Variants in LRP1B observed in about 807,000 individuals in gnomAD.
LRP1B encodes low-density lipoprotein receptor-related protein 1B.
A neutral mutation model predicts 556.6 loss-of-function variants in LRP1B; 217 were observed. That is an observed-to-expected ratio of 0.39 (90% confidence interval 0.35 to 0.44). The LOEUF is 0.44. Ranked by LOEUF, LRP1B falls within the 20% of genes least tolerant of loss-of-function variation. LRP1B has a pLI of 1.00. For synonymous variants in LRP1B, 2,047 were observed against 1,865.8 expected (o/e 1.10, Z -2.50); for missense variants, 5,053 against 5,620.8 (o/e 0.90, Z 3.23).
chr2:141,869,534 G>T (rs1558930021), intron 1 of LRP1B, among the ~76,000 whole-genome samples: 2 of 152,054 alleles, frequency 1.3e-5, no homozygotes, highest in Admixed American at 6.6e-5. Flanking sequence ...CTGCCTAGGT[G>T]ATTTGTGATA....
intron 1 of LRP1B, among the ~76,000 whole-genome samples, chr2:141,977,868 A>G (rs1304583617): frequency 6.6e-6 from 1 of 152,314 alleles, no homozygotes; most frequent in South Asian, 2.1e-4. Context: ...TCTGTGGTTC[A>G]TACAAGCCTA....
At chr2:140,351,776 C>T (rs1392056835) in intron 76 of LRP1B, among the ~76,000 whole-genome samples, 1 of 152,102 alleles carries the variant, frequency 6.6e-6, no homozygotes, top group East Asian at 1.9e-4. Context: ...AATAATACCT[C>T]ATGAGGTGCC....
intron 2 of LRP1B, among the ~76,000 whole-genome samples, chr2:141,677,618 T>C (rs11892253): frequency 7.0e-4 from 106 of 152,164 alleles, no homozygotes; most frequent in African/African-American, 2.4e-3. Context: ...GCCTCCCTAG[T>C]AGCTGGGATT....
intron 56 of LRP1B, among the ~76,000 whole-genome samples, chr2:140,493,047 G>A (rs1278628507): frequency 6.6e-6 from 1 of 152,096 alleles, no homozygotes; most frequent in African/African-American, 2.4e-5. Context: ...GAAACCTACA[G>A]TACAGCTAAA....
At chr2:141,945,696 C>T (rs924100423) in intron 1 of LRP1B, among the ~76,000 whole-genome samples, 22 of 152,016 alleles carry the variant, frequency 1.4e-4, no homozygotes, top group Admixed American at 1.3e-3. Context: ...ATCTTAAATG[C>T]AATTATTAGA....
Position 141,640,226 on chromosome 2 carries a change from C to T in LRP1B, c.206-159693G>A, listed in dbSNP as rs185862825. On this transcript the variant is annotated intron_variant, in intron 2 of 90. Coordinates refer to ENST00000389484, the MANE Select transcript of LRP1B (RefSeq NM_018557.3). ...GTTGCTACAGATCATGATAATTACT[C>T]GTAAAACTATCAAGTGTTGCAAATT... Among the ~76,000 whole-genome samples, 261 of 152,208 alleles carry T rather than the reference C, an allele frequency of 1.7e-3. 1 individual carries two copies. Among genetic ancestry groups the T allele is most frequent in the Non-Finnish European group, 3.1e-3 (213 of 68,024 alleles).
intron 7 of LRP1B, among the ~76,000 whole-genome samples, chr2:141,111,942 G>T (rs1700763458): frequency 2.0e-5 from 3 of 151,862 alleles, no homozygotes; most frequent in Admixed American, 2.0e-4. Flanking sequence ...GCTGCTGGGG[G>T]TGCTGAGGCA....
chr2:141,105,973 G>C (rs1045820066), intron 7 of LRP1B, among the ~76,000 whole-genome samples: 1 of 152,076 alleles, frequency 6.6e-6, no homozygotes, highest in Admixed American at 6.6e-5. Context: ...GGGAGGAAAT[G>C]GGAATCCACA....
At chr2:141,889,266 A>G (rs932942134) in intron 1 of LRP1B, among the ~76,000 whole-genome samples, 1 of 152,188 alleles carries the variant, frequency 6.6e-6, no homozygotes, top group African/African-American at 2.4e-5. Context: ...CTCAGAGGAG[A>G]TAAATATTAT....
chr2:141,540,958 A>T (rs1170994345), intron 2 of LRP1B, among the ~76,000 whole-genome samples: 1 of 152,044 alleles, frequency 6.6e-6, no homozygotes, highest in Non-Finnish European at 1.5e-5. Flanking sequence ...TATATGCAAG[A>T]CATACTATAT....
At chr2:140,514,821 C>A (rs552724282) in intron 50 of LRP1B, 49 bp from the exon 51 acceptor site, 6 of 1,523,978 alleles carry the variant, frequency 3.9e-6, no homozygotes, top group East Asian at 2.4e-5. Flanking sequence ...GACCGTCTTA[C>A]AACAGATCCG....
chr2:140,234,348 G>T (rs1231390060), intron 90 of LRP1B, among the ~76,000 whole-genome samples: 1 of 151,164 alleles, frequency 6.6e-6, no homozygotes, highest in Non-Finnish European at 1.5e-5. Flanking sequence ...GAGTGGTTTT[G>T]TTAGACCGTC....
intron 35 of LRP1B, among the ~76,000 whole-genome samples, chr2:140,751,255 A>G (rs1039809536): frequency 5.3e-5 from 8 of 152,130 alleles, no homozygotes; most frequent in Non-Finnish European, 1.0e-4. Context: ...GGCCTCCCAA[A>G]GAGCTGGGAT....
At chr2:140,785,770 T>C in intron 32 of LRP1B, among the ~76,000 whole-genome samples, 1 of 152,128 alleles carries the variant, frequency 6.6e-6, no homozygotes, top group East Asian at 1.9e-4. Flanking sequence ...ATTACCAAAA[T>C]AAAATTTAAT....
At position 141,162,482 on chromosome 2, in the gene LRP1B, G is replaced by A. The variant is rs554846744; in HGVS notation, c.1013+25939C>T. Among the ~76,000 whole-genome samples, 7 of 152,190 alleles carry A rather than the reference G, an allele frequency of 4.6e-5. No homozygotes were observed. The East Asian group carries it at 1.2e-3, about 25-fold the overall frequency. On this transcript the variant is annotated intron_variant, in intron 7 of 90. Coordinates refer to ENST00000389484, the MANE Select transcript of LRP1B (RefSeq NM_018557.3). The stretch of plus-strand genomic sequence containing the variant: ...TGTCTGAAAACAAGGGAACCAATGT[G>A]AGCCTGCATCTCATACTGCCTGCGG...
At chr2:140,945,915 A>G (rs1033650988) in intron 20 of LRP1B, among the ~76,000 whole-genome samples, 1 of 152,214 alleles carries the variant, frequency 6.6e-6, no homozygotes, top group Non-Finnish European at 1.5e-5. Context: ...AACAGAGTAA[A>G]CAGACAACCT....
chr2:141,519,360 G>GATT (rs1553526767), intron 2 of LRP1B, among the ~76,000 whole-genome samples: 1 of 68,302 alleles, frequency 1.5e-5, no homozygotes, highest in Admixed American at 1.9e-4. Context: ...TTAAGTCAAT[G>GATT]ATATATATAT....
intron 41 of LRP1B, among the ~76,000 whole-genome samples, chr2:140,636,516 T>A (rs909186480): frequency 2.0e-5 from 3 of 152,158 alleles, no homozygotes; most frequent in Non-Finnish European, 2.9e-5. Flanking sequence ...TTTCTATCTA[T>A]AAGTCATGGT....
chr2:140,856,907 G>T (rs1410971154), intron 27 of LRP1B, among the ~76,000 whole-genome samples: 1 of 152,114 alleles, frequency 6.6e-6, no homozygotes, highest in Non-Finnish European at 1.5e-5. Flanking sequence ...TAAAAATCTA[G>T]AAAGTTAATT....
Sources: gnomAD v4.1 joint callset for allele counts (sites outside exome capture counted in the v4.1 genomes callset) on GRCh38, gnomAD v4.1.1 for gene constraint, MANE v1.5 for transcripts, NCBI Gene and HGNC (gene_info 2026-07-23, HGNC 2026-07-21) for gene names.